GPC6: variants seen among roughly 807,000 people sequenced by gnomAD.
GPC6 encodes glypican 6.
GPC6 carries 14 observed loss-of-function variants against 55.2 expected under a neutral mutation model. That is an observed-to-expected ratio of 0.25 (90% confidence interval 0.17 to 0.40). The LOEUF (loss-of-function observed/expected upper bound fraction) is 0.40. Among genes scored for constraint, GPC6 ranks in the 10% least tolerant of loss-of-function variants. GPC6 has a pLI of 1.00. For missense variants in GPC6, 641 were observed against 708.5 expected, an observed-to-expected ratio of 0.90 and a Z score of 1.08; for synonymous variants, 278 against 259.6, an observed-to-expected ratio of 1.07 and a Z score of -0.68.
chr13:93,542,648 A>G (rs12381086), intron 1 of GPC6, among the ~76,000 whole-genome samples: 3 of 152,210 alleles, frequency 2.0e-5, no homozygotes, highest in East Asian at 3.9e-4. Context: ...GATTCTTCCT[A>G]CCCATGAGCA....
At chr13:93,494,480 T>G (rs1318456744) in intron 1 of GPC6, among the ~76,000 whole-genome samples, 1 of 152,218 alleles carries the variant, frequency 6.6e-6, no homozygotes, top group African/African-American at 2.4e-5. Context: ...TTTATCCAGC[T>G]TGCCAGTCTG....
At chr13:93,948,850 T>A (rs1238338472) in intron 3 of GPC6, among the ~76,000 whole-genome samples, 1 of 152,146 alleles carries the variant, frequency 6.6e-6, no homozygotes, top group Non-Finnish European at 1.5e-5. Flanking sequence ...GTTGCTTTGG[T>A]TTGCTTGTTT....
intron 3 of GPC6, among the ~76,000 whole-genome samples, chr13:93,887,320 G>C (rs961083819): frequency 2.0e-5 from 3 of 151,930 alleles, no homozygotes; most frequent in African/African-American, 7.3e-5. Context: ...TCTCAAACAT[G>C]ACAATTGATT....
chr13:94,219,271 T>C (rs1319676962), intron 4 of GPC6, among the ~76,000 whole-genome samples: 4 of 152,108 alleles, frequency 2.6e-5, no homozygotes. Flanking sequence ...TATTTCCTCA[T>C]TTACAAAATG....
At chr13:93,570,931 G>A (rs945438155) in intron 2 of GPC6, among the ~76,000 whole-genome samples, 1 of 151,918 alleles carries the variant, frequency 6.6e-6, no homozygotes, top group Non-Finnish European at 1.5e-5. Context: ...TTACTTACTC[G>A]TAATTCAATT....
At chr13:93,994,748 TCCC>T (rs1303419145) in intron 3 of GPC6, among the ~76,000 whole-genome samples, 5 of 152,196 alleles carry the variant, frequency 3.3e-5, no homozygotes, top group Non-Finnish European at 7.3e-5. Flanking sequence ...GTTTTTTGTT[TCCC>T]TAATCTGTGC....
At chr13:93,373,858 T>C (rs976734455) in intron 1 of GPC6, among the ~76,000 whole-genome samples, 3 of 152,218 alleles carry the variant, frequency 2.0e-5, no homozygotes, top group African/African-American at 7.2e-5. Flanking sequence ...TTGTTTCTTT[T>C]AATATAACTC....
At chr13:94,034,782 A>T (rs902691509) in intron 4 of GPC6, among the ~76,000 whole-genome samples, 3 of 152,006 alleles carry the variant, frequency 2.0e-5, no homozygotes, top group African/African-American at 7.2e-5. Flanking sequence ...GATTTTCAAG[A>T]TGAGATTTAT....
chr13:93,815,473 C>A (rs1208767246), intron 2 of GPC6, among the ~76,000 whole-genome samples: 1 of 152,020 alleles, frequency 6.6e-6, no homozygotes, highest in African/African-American at 2.4e-5. Flanking sequence ...ACATTCAACC[C>A]TGTACAATTT....
intron 1 of GPC6, among the ~76,000 whole-genome samples, chr13:93,497,983 CT>C (rs1880371946): frequency 1.3e-5 from 2 of 152,168 alleles, no homozygotes; most frequent in Admixed American, 6.5e-5. Flanking sequence ...ATATTTCTAA[CT>C]TTGTAGTACT....
At chr13:93,623,801 A>G (rs1158091696) in intron 2 of GPC6, among the ~76,000 whole-genome samples, 1 of 151,778 alleles carries the variant, frequency 6.6e-6, no homozygotes, top group East Asian at 1.9e-4. Context: ...AGAATAGATG[A>G]TATCTTCTTG....
chr13:93,361,046 C>T (rs1197137215), intron 1 of GPC6, among the ~76,000 whole-genome samples: 1 of 151,944 alleles, frequency 6.6e-6, no homozygotes, highest in African/African-American at 2.4e-5. Flanking sequence ...TCTTGCTGAC[C>T]ACCTCTTGCT....
chr13:93,252,813 G>A (rs1876831125), intron 1 of GPC6, among the ~76,000 whole-genome samples: 1 of 152,074 alleles, frequency 6.6e-6, no homozygotes. Context: ...TTTAAACTTT[G>A]CTTTTGTTTT....
At chr13:94,207,440 T>TA (rs2059708112) in intron 4 of GPC6, among the ~76,000 whole-genome samples, 1 of 152,194 alleles carries the variant, frequency 6.6e-6, no homozygotes, top group Non-Finnish European at 1.5e-5. Flanking sequence ...CATAGGCTGT[T>TA]AAGTGTCTTG....
chr13:93,516,191 A>G (rs1881182864), intron 1 of GPC6, among the ~76,000 whole-genome samples: 1 of 152,156 alleles, frequency 6.6e-6, no homozygotes, highest in South Asian at 2.1e-4. Flanking sequence ...GTAGAGTAAA[A>G]GGTTCACATC....
At chr13:93,825,439 G>A (rs955420778) in intron 2 of GPC6, among the ~76,000 whole-genome samples, 2 of 152,212 alleles carry the variant, frequency 1.3e-5, no homozygotes, top group Non-Finnish European at 2.9e-5. Flanking sequence ...ACCGCCTCAT[G>A]TGGCAAGGAC....
At chr13:94,328,656 A>G (rs1472078978) in intron 6 of GPC6, among the ~76,000 whole-genome samples, 1 of 152,266 alleles carries the variant, frequency 6.6e-6, no homozygotes, top group Non-Finnish European at 1.5e-5. Context: ...AAGCAATTGT[A>G]TATAAATTAT....
chr13:94,020,888 A>G (rs2138711811), intron 3 of GPC6, among the ~76,000 whole-genome samples: 1 of 152,320 alleles, frequency 6.6e-6, no homozygotes, highest in South Asian at 2.1e-4. Flanking sequence ...ATAGGTTACT[A>G]TTAAAGAATC....
chr13:93,483,533 T>A (rs1879593694), intron 1 of GPC6, among the ~76,000 whole-genome samples: 1 of 152,158 alleles, frequency 6.6e-6, no homozygotes, highest in Admixed American at 6.6e-5. Context: ...AAGATACTTT[T>A]AATAATAAAC....
Sources: gnomAD v4.1 joint callset for allele counts (sites outside exome capture counted in the v4.1 genomes callset) on GRCh38, gnomAD v4.1.1 for gene constraint, MANE v1.5 for transcripts, NCBI Gene and HGNC (gene_info 2026-07-23, HGNC 2026-07-21) for gene names.